TMEM178B: variants seen among roughly 807,000 people sequenced by gnomAD.
The protein encoded by TMEM178B is transmembrane protein 178B.
TMEM178B carries 5 observed loss-of-function variants against 31.0 expected under a neutral mutation model. The ratio of observed to expected loss-of-function variants is 0.16; its 90% confidence interval spans 0.08 to 0.34. TMEM178B has a LOEUF of 0.34. TMEM178B is among the 10% of genes least tolerant of loss of function. TMEM178B has a pLI of 1.00. For missense variants in TMEM178B, 275 were observed against 400.3 expected (o/e 0.69, Z 2.67); for synonymous variants, 164 against 164.0 (o/e 1.00, Z 0.00).
At chr7:141,179,255 A>G (rs1475604973) in intron 1 of TMEM178B, among the ~76,000 whole-genome samples, 2 of 152,246 alleles carry the variant, frequency 1.3e-5, no homozygotes, top group African/African-American at 2.4e-5. Context: ...ATAAAGGGCT[A>G]TATTAATATT....
chr7:141,094,363 T>G (rs1207497545), intron 1 of TMEM178B, among the ~76,000 whole-genome samples: 1 of 152,186 alleles, frequency 6.6e-6, no homozygotes, highest in East Asian at 1.9e-4. Flanking sequence ...CTATAGTACT[T>G]TAGCATCTTT....
intron 2 of TMEM178B, among the ~76,000 whole-genome samples, chr7:141,258,263 T>A: frequency 6.6e-6 from 1 of 152,086 alleles, no homozygotes; most frequent in East Asian, 1.9e-4. Flanking sequence ...TTTAACATTG[T>A]TTAGCAGGGA....
rs181887830 is a variant in TMEM178B, at chr7:141,178,013, G to T, written c.383-34578G>T. Among the ~76,000 whole-genome samples, 8 of 152,312 alleles carry T rather than the reference G, an allele frequency of 5.3e-5. No individual in the cohort carries two copies. The East Asian group carries it at 1.5e-3, about 29-fold the overall frequency. On this transcript the variant is annotated intron_variant, in intron 1 of 3. Coordinates refer to ENST00000565468, the MANE Select transcript of TMEM178B (RefSeq NM_001195278.2). ...TGCTAGCTGGTTATTTTGCACATTA[G>T]TTTATGCAGTTTCTTCATAGCATCG...
At chr7:141,131,667 A>G (rs1392689404) in intron 1 of TMEM178B, among the ~76,000 whole-genome samples, 1 of 152,194 alleles carries the variant, frequency 6.6e-6, no homozygotes, top group African/African-American at 2.4e-5. Flanking sequence ...TCCTCATAGT[A>G]TGAACATCTC....
intron 1 of TMEM178B, among the ~76,000 whole-genome samples, chr7:141,184,089 C>T (rs1796571823): frequency 1.3e-5 from 2 of 152,314 alleles, no homozygotes; most frequent in South Asian, 4.1e-4. Flanking sequence ...GCAGAGTTCC[C>T]TGCAGAACAG....
At chr7:141,405,823 G>A (rs1045473963) in intron 2 of TMEM178B, among the ~76,000 whole-genome samples, 21 of 152,320 alleles carry the variant, frequency 1.4e-4, no homozygotes, top group Middle Eastern at 3.4e-3. Flanking sequence ...TCTCCTTGGA[G>A]TGGCGATGGG....
chr7:141,219,798 A>T (rs1035590661), intron 2 of TMEM178B, among the ~76,000 whole-genome samples: 14 of 152,144 alleles, frequency 9.2e-5, no homozygotes, highest in African/African-American at 3.1e-4. Flanking sequence ...ATGCCAGGAC[A>T]CTTCCTTTCC....
intron 1 of TMEM178B, among the ~76,000 whole-genome samples, chr7:141,174,031 CAT>C (rs1459159372): frequency 1.3e-5 from 2 of 152,122 alleles, no homozygotes; most frequent in Non-Finnish European, 2.9e-5. Context: ...CATAGGTATA[CAT>C]GTGGCATGGT....
rs749990889 is a variant in TMEM178B at position 141,074,678 on chromosome 7, C to T, written c.368C>T (p.Ala123Val). ...HRQGFDPEIA[A>V]LIRKGEIERC... ...CAGGGCTTCGACCCCGAGATCGCCG[C>T]CCTCATTCGGAAAGGTAAGCGCCGG... The change falls in exon 1 of 4, where the codon GCC (alanine) becomes GTC (valine). Residue 123 changes from alanine to valine, a missense_variant. Ala to Val is a moderately conservative substitution (Grantham distance 64, BLOSUM62 0). Transcript: ENST00000565468. This position sits in a 1 kb window ranked among gnomAD's most constrained non-coding sequence, Gnocchi z 5.1. 435 of 1,505,436 alleles carry T rather than the reference C, an allele frequency of 2.9e-4. 1 individual carries two copies. The highest frequency in any genetic ancestry group is 3.6e-4 in the Non-Finnish European group (409 of 1,128,590). 93.3% of individuals were successfully genotyped at this position (1,505,436 alleles called of 1,614,324 possible). A position where few individuals can be genotyped will look rare whatever the true frequency, so the allele number is the denominator to read the frequency against.
chr7:141,227,270 G>A (rs1168270636), intron 2 of TMEM178B, among the ~76,000 whole-genome samples: 1 of 152,182 alleles, frequency 6.6e-6, no homozygotes, highest in African/African-American at 2.4e-5. Context: ...GCATCTGAAA[G>A]GAACCTAAAA....
intron 2 of TMEM178B, among the ~76,000 whole-genome samples, chr7:141,253,191 C>T (rs1334810572): frequency 6.6e-6 from 1 of 152,200 alleles, no homozygotes; most frequent in South Asian, 2.1e-4. Flanking sequence ...GCAGTATCTG[C>T]TTCCCCCTTG....
At chr7:141,442,392 T>G (rs1448099657) in intron 3 of TMEM178B, among the ~76,000 whole-genome samples, 1 of 152,154 alleles carries the variant, frequency 6.6e-6, no homozygotes, top group African/African-American at 2.4e-5. Context: ...TAGCATAATT[T>G]TACTTAAAAC....
At chr7:141,456,993 A>G (rs916489491) in intron 3 of TMEM178B, among the ~76,000 whole-genome samples, 2 of 152,218 alleles carry the variant, frequency 1.3e-5, no homozygotes, top group African/African-American at 4.8e-5. Context: ...AAGAATATGG[A>G]TGGTGCACTC....
intron 3 of TMEM178B, among the ~76,000 whole-genome samples, chr7:141,444,673 A>G (rs1801720013): frequency 6.6e-6 from 1 of 152,192 alleles, no homozygotes; most frequent in South Asian, 2.1e-4. Context: ...TTGCGTCACC[A>G]GGTAAAAGTA....
In TMEM178B at chr7:141,437,856, T is replaced by C; in HGVS notation, c.634+111T>C. The C allele has an allele frequency of 4.3e-6, 6 of 1,383,850 alleles. No individual in the cohort carries two copies. In the South Asian group the frequency reaches 5.5e-5, roughly 13 times the overall value. 85.7% of individuals were successfully genotyped at this position (1,383,850 alleles called of 1,614,324 possible). A position where few individuals can be genotyped will look rare whatever the true frequency, so the allele number is the denominator to read the frequency against. ...GAGGGGACCATGACGTGACTGGGGT[T>C]CTCATTCACTCATCCATTGGTTCAC... On this transcript the variant is annotated intron_variant, in intron 3 of 3. Coordinates refer to ENST00000565468, the MANE Select transcript of TMEM178B (RefSeq NM_001195278.2).
chr7:141,184,470 C>G (rs1586814504), intron 1 of TMEM178B, among the ~76,000 whole-genome samples: 1 of 152,136 alleles, frequency 6.6e-6, no homozygotes, highest in Non-Finnish European at 1.5e-5. Flanking sequence ...ACCCTGTCCT[C>G]TCTGCCAGCA....
chr7:141,075,121 G>C (rs1001792429), intron 1 of TMEM178B, among the ~76,000 whole-genome samples: 1 of 152,172 alleles, frequency 6.6e-6, no homozygotes, highest in Non-Finnish European at 1.5e-5. Flanking sequence ...ATTTCACAGA[G>C]AAGGCCTTAT....
chr7:141,164,670 G>A (rs1796231913), intron 1 of TMEM178B, among the ~76,000 whole-genome samples: 1 of 152,182 alleles, frequency 6.6e-6, no homozygotes, highest in African/African-American at 2.4e-5. Flanking sequence ...GATTAGGTTT[G>A]GCTGCATTTG....
At chr7:141,340,888 T>C (rs568350888) in intron 2 of TMEM178B, among the ~76,000 whole-genome samples, 29 of 152,200 alleles carry the variant, frequency 1.9e-4, no homozygotes, top group Non-Finnish European at 3.7e-4. Flanking sequence ...TGATCCTTCT[T>C]ATTTTTTCAA....
Sources: gnomAD v4.1 joint callset for allele counts (sites outside exome capture counted in the v4.1 genomes callset) on GRCh38, gnomAD v4.1.1 for gene constraint, Gnocchi (gnomAD v3.1) non-coding constraint, MANE v1.5 for transcripts, NCBI Gene and HGNC (gene_info 2026-07-23, HGNC 2026-07-21) for gene names.